MCC: variants seen among roughly 807,000 people sequenced by gnomAD.
MCC encodes MCC regulator of Wnt signaling pathway.
Under a neutral mutation model 116.2 loss-of-function variants are expected in MCC, and 90 were observed. The ratio of observed to expected loss-of-function variants is 0.77; its 90% CI spans 0.65 to 0.92. The LOEUF (loss-of-function observed/expected upper bound fraction) is 0.92, where lower values mean the gene tolerates loss of function less well. Ranked by LOEUF, MCC falls within the 40% of genes least tolerant of loss-of-function variation. MCC has a pLI of 0.00. For missense variants in MCC, 1,516 were observed against 1,312.2 expected (o/e 1.16, Z -2.40); for synonymous variants, 578 against 510.5 (o/e 1.13, Z -1.78).
chr5:113,349,029 C>A (rs1468751952), intron 2 of MCC, among the ~76,000 whole-genome samples: 1 of 151,870 alleles, frequency 6.6e-6, no homozygotes, highest in Non-Finnish European at 1.5e-5. Context: ...CCTGAACAGA[C>A]CAATAAAAAA....
chr5:113,277,547 G>T (rs1405170650), intron 3 of MCC, among the ~76,000 whole-genome samples: 1 of 152,106 alleles, frequency 6.6e-6, no homozygotes, highest in South Asian at 2.1e-4. Context: ...CTCATGTGAT[G>T]TGAACTAATT....
At chr5:113,272,040 T>C (rs1001146068) in intron 3 of MCC, among the ~76,000 whole-genome samples, 3 of 152,246 alleles carry the variant, frequency 2.0e-5, no homozygotes, top group African/African-American at 4.8e-5. Flanking sequence ...AACTTAAATA[T>C]AGTTACTTTA....
At chr5:113,372,281 CA>C (rs1768853949) in intron 2 of MCC, among the ~76,000 whole-genome samples, 1 of 152,162 alleles carries the variant, frequency 6.6e-6, no homozygotes. Flanking sequence ...TCAAAAAGAG[CA>C]GCACCAAATA....
chr5:113,475,642 A>T (rs956756381), intron 1 of MCC, among the ~76,000 whole-genome samples: 2 of 152,136 alleles, frequency 1.3e-5, no homozygotes, highest in Non-Finnish European at 2.9e-5. Context: ...GAGATTTTTC[A>T]ATTTATGGAA....
chr5:113,221,261 C>G (rs1763542591), intron 3 of MCC, among the ~76,000 whole-genome samples: 1 of 152,220 alleles, frequency 6.6e-6, no homozygotes, highest in Non-Finnish European at 1.5e-5. Context: ...TTATCCCAGT[C>G]TGGGTGAAAC....
intron 2 of MCC, among the ~76,000 whole-genome samples, chr5:113,357,557 G>A (rs1473557679): frequency 1.3e-5 from 2 of 152,144 alleles, no homozygotes; most frequent in African/African-American, 4.8e-5. Context: ...ACCAGGGAAA[G>A]GCAGTCTCCC....
chr5:113,024,040 GT>G lies in MCC; in HGVS notation c.*3261del, dbSNP rs1750354183. 1.5e-5 allele frequency: 1 copy of G among 64,938 alleles called. No homozygotes were observed. The highest frequency in any genetic ancestry group is 3.2e-5 in the Non-Finnish European group (1 of 31,612). The allele number at this position is 64,938 out of a possible 1,614,324, so 4.0% of individuals were successfully genotyped here. On this transcript the variant is annotated 3_prime_UTR_variant, in exon 19 of 19. Transcript: ENST00000408903. ...ATAGTTTCATGTTTTCCTTAGAGTGGTAACTTTCTTTACTACTCCTTAACAG... is the reference window on the plus strand; with the variant it reads ...ATAGTTTCATGTTTTCCTTAGAGTGGAACTTTCTTTACTACTCCTTAACAG...
intron 11 of MCC, among the ~76,000 whole-genome samples, chr5:113,075,775 T>C (rs534356575): frequency 1.5e-4 from 23 of 152,296 alleles, no homozygotes; most frequent in Admixed American, 1.4e-3. Flanking sequence ...GGAAGCTTTG[T>C]TCTCTTGCTC....
At chr5:113,141,487 C>A (rs569689922) in intron 5 of MCC, among the ~76,000 whole-genome samples, 1 of 152,280 alleles carries the variant, frequency 6.6e-6, no homozygotes, top group African/African-American at 2.4e-5. Flanking sequence ...TCTGGAGAAC[C>A]CTGAATAATT....
At chr5:113,369,469 T>C (rs916198197) in intron 2 of MCC, among the ~76,000 whole-genome samples, 29 of 152,240 alleles carry the variant, frequency 1.9e-4, no homozygotes, top group African/African-American at 6.0e-4. Flanking sequence ...CCCCATTCTT[T>C]TTCATGGATA....
rs772527617 is a variant in MCC, at chr5:113,143,225, T to C, written c.877A>G (p.Thr293Ala). The C allele has an allele frequency of 1.6e-5, 25 of 1,602,806 alleles. No individual in the cohort carries two copies. The highest frequency in any genetic ancestry group is 6.7e-5 in the South Asian group (6 of 89,522). The change falls in exon 5 of 19, where the codon ACC becomes GCC. Residue 293 changes from threonine (T) to alanine (A), a missense_variant. Transcript: ENST00000408903. ...NKKIDRLQGT[T>A]IREEDEYSEL... ...CCGAATGGAGCCGCGTACCTGATGG[T>C]GGTGCCTTGCAGACGGTCTATCTTC...
chr5:113,121,741 A>G (rs991065661), intron 6 of MCC, among the ~76,000 whole-genome samples: 4 of 152,242 alleles, frequency 2.6e-5, no homozygotes, highest in Admixed American at 6.5e-5. Flanking sequence ...ATAAAACTCA[A>G]GAAAACTGAC....
At chr5:113,162,407 C>A (rs1413408096) in intron 3 of MCC, among the ~76,000 whole-genome samples, 1 of 152,156 alleles carries the variant, frequency 6.6e-6, no homozygotes, top group Non-Finnish European at 1.5e-5. Context: ...CCCACTCATT[C>A]TAGTTGAGAA....
Position 113,104,232 on chromosome 5 carries a change from T to A in MCC, c.1151A>T (p.Gln384Leu). Residue 384 changes from glutamine (Q) to leucine (L), a missense_variant, in exon 7 of 19, where the codon CAG (glutamine) becomes CTG (leucine). Transcript: ENST00000408903. ...SVAEVDKHIE[Q>L]LTTASEHCDL... ...ACAGTGCTCGCTGGCTGTGGTGAGC[T>A]GCTCAATGTGCTTGTCCACCTCGGC... 6.2e-7 allele frequency: 1 copy of A among 1,614,022 alleles called. No homozygotes were observed. The highest frequency in any genetic ancestry group is 2.2e-5 in the East Asian group (1 of 44,886).
intron 3 of MCC, among the ~76,000 whole-genome samples, chr5:113,259,511 GAAAAA>G (rs58977384): frequency 3.0e-4 from 45 of 151,298 alleles, no homozygotes; most frequent in African/African-American, 1.0e-3. Flanking sequence ...ATTTACTAAA[GAAAAA>G]AAAATTAATT....
chr5:113,461,433 TGGAGA>T (rs1245339504), intron 1 of MCC, among the ~76,000 whole-genome samples: 3 of 151,846 alleles, frequency 2.0e-5, no homozygotes, highest in East Asian at 3.9e-4. Flanking sequence ...CAGTATGGAG[TGGAGA>T]GGAGATTAGA....
At chr5:113,055,427 T>C (rs1752770447) in intron 14 of MCC, among the ~76,000 whole-genome samples, 1 of 152,092 alleles carries the variant, frequency 6.6e-6, no homozygotes, top group Admixed American at 6.5e-5. Flanking sequence ...ACATGACACA[T>C]TGCTACGAAG....
At position 113,055,499 on chromosome 5, in the gene MCC, G is replaced by T. The variant is rs1054141021; in HGVS notation, c.2214-1540C>A. ...GGTGGCTGGAGCTTTGCTGTTCACAGGAGGAAGAGGCTACCCTAGGGCTTG... is the reference window on the plus strand; with the variant it reads ...GGTGGCTGGAGCTTTGCTGTTCACATGAGGAAGAGGCTACCCTAGGGCTTG... On this transcript the variant is annotated intron_variant, in intron 14 of 18. Transcript: ENST00000408903. 1.5e-4 allele frequency among the ~76,000 whole-genome samples: 23 copies of T among 152,210 alleles called. 1 individual carries two copies. The highest frequency in any genetic ancestry group is 1.3e-3 in the Admixed American group (20 of 15,286).
intron 3 of MCC, among the ~76,000 whole-genome samples, chr5:113,192,556 G>A (rs989679118): frequency 1.3e-5 from 2 of 152,154 alleles, no homozygotes; most frequent in African/African-American, 4.8e-5. Flanking sequence ...GCTTTGGATC[G>A]GGTGTGCCAG....
Sources: allele counts gnomAD v4.1 joint callset (sites outside exome capture counted in the v4.1 genomes callset), GRCh38; gene constraint gnomAD v4.1.1; transcripts MANE v1.5; gene names NCBI Gene and HGNC (gene_info 2026-07-23, HGNC 2026-07-21).